ASCC1: variants seen among roughly 807,000 people sequenced by gnomAD.
The protein encoded by ASCC1 is activating signal cointegrator 1 complex subunit 1, also known as ASC-1 complex subunit P50.
ASCC1 carries 35 observed loss-of-function variants against 46.6 expected under a neutral mutation model. The ratio of observed to expected loss-of-function variants is 0.75; its 90% CI spans 0.57 to 0.99. ASCC1 has a LOEUF of 0.99. ASCC1 is among the 50% of genes least tolerant of loss of function. The probability of loss-of-function intolerance (pLI) is 0.00; values close to 1 mark genes in which losing one functional copy is unlikely to be tolerated. For missense variants in ASCC1, 376 were observed against 428.7 expected, an observed-to-expected ratio of 0.88 and a Z score of 1.09; for synonymous variants, 143 against 146.6, an observed-to-expected ratio of 0.98 and a Z score of 0.18.
At chr10:72,175,908 A>T (rs958545759) in intron 5 of ASCC1, among the ~76,000 whole-genome samples, 2 of 152,188 alleles carry the variant, frequency 1.3e-5, no homozygotes, top group African/African-American at 2.4e-5. Flanking sequence ...CGCAAGAGAG[A>T]TCTGTTGCTG....
chr10:72,126,680 C>A (rs58176560), intron 9 of ASCC1, among the ~76,000 whole-genome samples: 3,857 of 152,190 alleles, frequency 0.025, 190 homozygotes, highest in African/African-American at 0.089. Context: ...TCTTTCTTAA[C>A]CAAATTAACA....
chr10:72,141,315 T>C (rs1846986491), intron 7 of ASCC1, among the ~76,000 whole-genome samples: 1 of 152,166 alleles, frequency 6.6e-6, no homozygotes. Context: ...GTGAATACTT[T>C]CCCAAGATAT....
intron 7 of ASCC1, among the ~76,000 whole-genome samples, chr10:72,138,843 G>A (rs1313397312): frequency 6.6e-6 from 1 of 152,036 alleles, no homozygotes; most frequent in Non-Finnish European, 1.5e-5. Flanking sequence ...TGGGATTACA[G>A]GCGTGAGCCA....
chr10:72,132,154 C>A (rs1845687658), intron 8 of ASCC1, among the ~76,000 whole-genome samples: 1 of 152,124 alleles, frequency 6.6e-6, no homozygotes, highest in African/African-American at 2.4e-5. Context: ...CAGGCATGAG[C>A]CACCGCACCT....
At chr10:72,124,245 T>C (rs1376529919) in intron 9 of ASCC1, among the ~76,000 whole-genome samples, 1 of 152,228 alleles carries the variant, frequency 6.6e-6, no homozygotes, top group Non-Finnish European at 1.5e-5. Context: ...AAGATTCTTA[T>C]ATATAAAATA....
At chr10:72,112,878 CAAAAAAAAAAAA>C (rs60754683) in intron 9 of ASCC1, among the ~76,000 whole-genome samples, 8 of 82,842 alleles carry the variant, frequency 9.7e-5, no homozygotes, top group Non-Finnish European at 1.4e-4. Context: ...ACTCTGCCTC[CAAAAAAAAAAAA>C]AAAAAAAAAA....
chr10:72,213,933 G>A (rs1201636847), intron 1 of ASCC1, among the ~76,000 whole-genome samples: 1 of 152,092 alleles, frequency 6.6e-6, no homozygotes, highest in Non-Finnish European at 1.5e-5. Flanking sequence ...AGCTACTCGG[G>A]AGGCTGAGGC....
At chr10:72,178,520 A>C (rs1852148616) in intron 5 of ASCC1, among the ~76,000 whole-genome samples, 1 of 152,222 alleles carries the variant, frequency 6.6e-6, no homozygotes, top group Non-Finnish European at 1.5e-5. Context: ...ACTTTCAGAC[A>C]TATAGACACA....
At chr10:72,208,863 A>G (rs775390205) in intron 3 of ASCC1, among the ~76,000 whole-genome samples, 10 of 152,118 alleles carry the variant, frequency 6.6e-5, no homozygotes, top group Non-Finnish European at 1.3e-4. Flanking sequence ...GTAGCAGTGA[A>G]GATACAGACA....
At chr10:72,194,565 T>C (rs1348216240) in intron 5 of ASCC1, among the ~76,000 whole-genome samples, 2 of 151,716 alleles carry the variant, frequency 1.3e-5, no homozygotes, top group Admixed American at 1.3e-4. Flanking sequence ...ATATGTAAAA[T>C]AAACAGTATA....
At chr10:72,212,485 G>C (rs576318107) in intron 2 of ASCC1, among the ~76,000 whole-genome samples, 1 of 152,270 alleles carries the variant, frequency 6.6e-6, no homozygotes, top group Admixed American at 6.5e-5. Flanking sequence ...ATGACCATCT[G>C]AGGATTTTGG....
intron 7 of ASCC1, among the ~76,000 whole-genome samples, chr10:72,149,356 T>G (rs1158999527): frequency 7.2e-6 from 1 of 139,786 alleles, no homozygotes; most frequent in East Asian, 2.1e-4. Flanking sequence ...GAGAATGGCG[T>G]GAACCCGGGA....
At chr10:72,197,377 C>T (rs567572801) in intron 4 of ASCC1, among the ~76,000 whole-genome samples, 136 of 142,120 alleles carry the variant, frequency 9.6e-4, no homozygotes, top group African/African-American at 3.4e-3. Flanking sequence ...GGCTAAGGCA[C>T]GGATGGAGGG....
intron 9 of ASCC1, among the ~76,000 whole-genome samples, chr10:72,108,804 T>A (rs1842626152): frequency 6.6e-6 from 1 of 152,190 alleles, no homozygotes; most frequent in East Asian, 1.9e-4. Flanking sequence ...GACTATAATC[T>A]CTAATGCATC....
intron 7 of ASCC1, among the ~76,000 whole-genome samples, chr10:72,143,182 A>T (rs1410504123): frequency 6.6e-6 from 1 of 151,036 alleles, no homozygotes; most frequent in Non-Finnish European, 1.5e-5. Context: ...AAAAAAAAAA[A>T]GGTATTAAAT....
intron 9 of ASCC1, among the ~76,000 whole-genome samples, chr10:72,110,137 C>A (rs1278375351): frequency 1.3e-5 from 2 of 152,212 alleles, no homozygotes; most frequent in Non-Finnish European, 2.9e-5. Flanking sequence ...CAGATAAATT[C>A]TCTCCCTTAG....
At chr10:72,200,209 C>A (rs1008214833) in intron 4 of ASCC1, among the ~76,000 whole-genome samples, 1 of 152,006 alleles carries the variant, frequency 6.6e-6, no homozygotes, top group Non-Finnish European at 1.5e-5. Context: ...ATATAACTTA[C>A]TACACAAATA....
At chr10:72,195,139 GTTTT>G (rs142672810) in intron 5 of ASCC1, among the ~76,000 whole-genome samples, 63 of 61,034 alleles carry the variant, frequency 1.0e-3, no homozygotes, top group African/African-American at 3.5e-3. Flanking sequence ...TTTTTGCTGT[GTTTT>G]TTTTTTTTTT....
rs111499239 is a variant in ASCC1 at position 72,194,499 on chromosome 10, T to C, written c.489+2312A>G. Among the ~76,000 whole-genome samples, 875 of 152,138 alleles carry C rather than the reference T, an allele frequency of 5.8e-3. 8 individuals are homozygous for C. The highest frequency in any genetic ancestry group is 8.9e-3 in the Non-Finnish European group (608 of 67,980). ...AAGGTAATCTGGATGTCTATACATG[T>C]TGAAAAATTCATACATCCACATATA... is the stretch of plus-strand genomic sequence containing the variant. On this transcript the variant is annotated intron_variant, in intron 5 of 9. Coordinates refer to ENST00000672957, the MANE Select transcript of ASCC1 (RefSeq NM_001198800.3).
Sources: allele counts gnomAD v4.1 joint callset (sites outside exome capture counted in the v4.1 genomes callset), GRCh38; gene constraint gnomAD v4.1.1; transcripts MANE v1.5; gene names NCBI Gene and HGNC (gene_info 2026-07-23, HGNC 2026-07-21).